Variants in AK8 observed in about 807,000 individuals in gnomAD.
The protein encoded by AK8 is adenylate kinase 8, also known as ATP-AMP transphosphorylase 8.
A neutral mutation model predicts 54.6 loss-of-function variants in AK8; 44 were observed. That is an observed-to-expected ratio of 0.81 (90% CI 0.63 to 1.04). The LOEUF is 1.04. Ranked by LOEUF, AK8 falls within the 50% of genes least tolerant of loss-of-function variation. AK8 has a pLI of 0.00. For synonymous variants in AK8, 239 were observed against 245.6 expected (o/e 0.97, Z 0.25); for missense variants, 555 against 613.6 (o/e 0.90, Z 1.01).
At chr9:132,736,590 G>C (rs1837128233) in intron 11 of AK8, among the ~76,000 whole-genome samples, 1 of 151,102 alleles carries the variant, frequency 6.6e-6, no homozygotes, top group Non-Finnish European at 1.5e-5. Context: ...AAGCTCAGGA[G>C]ATCGAGACCA....
chr9:132,728,872 T>C (rs1303256099), intron 11 of AK8, among the ~76,000 whole-genome samples: 1 of 151,710 alleles, frequency 6.6e-6, no homozygotes, highest in Non-Finnish European at 1.5e-5. Flanking sequence ...CCCCCCTTTT[T>C]AGGGCAATGG....
intron 5 of AK8, among the ~76,000 whole-genome samples, chr9:132,833,659 C>G (rs1027811085): frequency 6.6e-6 from 1 of 152,160 alleles, no homozygotes; most frequent in Admixed American, 6.5e-5. Flanking sequence ...AGCTGGAGGT[C>G]TGCACAGCTG....
chr9:132,853,377 A>G (rs1222737078), intron 5 of AK8, among the ~76,000 whole-genome samples: 3 of 151,746 alleles, frequency 2.0e-5, no homozygotes, highest in Admixed American at 2.0e-4. Context: ...AAAAAAGAAA[A>G]GAAAAGGAAA....
intron 5 of AK8, among the ~76,000 whole-genome samples, chr9:132,848,490 GT>G (rs1194887553): frequency 6.6e-6 from 1 of 152,140 alleles, no homozygotes; most frequent in African/African-American, 2.4e-5. Context: ...GGGTTTTCTG[GT>G]TCCTGCCTCA....
At chr9:132,746,232 A>G (rs1382191351) in intron 11 of AK8, among the ~76,000 whole-genome samples, 1 of 152,188 alleles carries the variant, frequency 6.6e-6, no homozygotes, top group African/African-American at 2.4e-5. Flanking sequence ...ACACACACAC[A>G]TAGACACACA....
At chr9:132,865,559 C>T (rs149458828) in intron 3 of AK8, among the ~76,000 whole-genome samples, 14,746 of 152,142 alleles carry the variant, frequency 0.097, 1,404 homozygotes, top group African/African-American at 0.24. Flanking sequence ...CGGTGGCTCA[C>T]GCCTGTAATC....
In AK8 at chr9:132,835,833, A is replaced by T. The variant is rs534937415; in HGVS notation, c.403-7107T>A. ...CGAGACCCCGCTTCTACAAAAAAAT[A>T]AAAAATTAGGCCAGGCGCAGTGGCT... is the stretch of plus-strand genomic sequence containing the variant. On this transcript the variant is annotated intron_variant, in intron 5 of 12. Coordinates refer to ENST00000298545, the MANE Select transcript of AK8 (RefSeq NM_152572.3). 2.6e-5 allele frequency among the ~76,000 whole-genome samples: 4 copies of T among 152,234 alleles called. No homozygotes were observed. In the South Asian group the frequency reaches 8.3e-4, roughly 32 times the overall value.
chr9:132,855,178 C>T (rs555730129), intron 4 of AK8, among the ~76,000 whole-genome samples: 1 of 152,310 alleles, frequency 6.6e-6, no homozygotes, highest in South Asian at 2.1e-4. Context: ...CCCACCTCCA[C>T]CTGAATAACT....
intron 11 of AK8, among the ~76,000 whole-genome samples, chr9:132,775,805 T>C (rs1287627103): frequency 6.6e-5 from 10 of 152,222 alleles, no homozygotes; most frequent in Admixed American, 3.9e-4. Context: ...CGGCTGCCTC[T>C]TGGGGACAGC....
intron 10 of AK8, among the ~76,000 whole-genome samples, chr9:132,810,020 G>A (rs543200990): frequency 2.4e-4 from 37 of 152,338 alleles, no homozygotes; most frequent in African/African-American, 7.9e-4. Context: ...TGGTTCCAGC[G>A]CTCCTGCTCT....
Position 132,770,832 on chromosome 9 carries a change from C to T in AK8, c.1121+21802G>A, listed in dbSNP as rs1311439532. Among the ~76,000 whole-genome samples the T allele has an allele frequency of 6.6e-6, 1 of 152,166 alleles. No individual in the cohort carries two copies. The highest frequency in any genetic ancestry group is 1.5e-5 in the Non-Finnish European group (1 of 68,024). On this transcript the variant is annotated intron_variant, in intron 11 of 12. Transcript: ENST00000298545. This position sits in a 1 kb window ranked among gnomAD's most constrained non-coding sequence, Gnocchi z 4.3. ...AGCAGCTGCTGAGTGCACGGCAGAC[C>T]CCCTGGCATGGGGTTACACCTTCTC...
chr9:132,788,195 A>G (rs1342236263), intron 11 of AK8, among the ~76,000 whole-genome samples: 2 of 152,226 alleles, frequency 1.3e-5, no homozygotes, highest in African/African-American at 2.4e-5. Context: ...AGGAAAATCA[A>G]AAAGAAAGGA....
At chr9:132,744,318 A>G (rs1837534909) in intron 11 of AK8, among the ~76,000 whole-genome samples, 1 of 152,088 alleles carries the variant, frequency 6.6e-6, no homozygotes, top group Non-Finnish European at 1.5e-5. Context: ...AAATCCTTGC[A>G]TAAATATTGC....
At position 132,878,227 on chromosome 9, in the gene AK8, A is replaced by G; in HGVS notation, c.29T>C (p.Ile10Thr). 6.9e-7 allele frequency: 1 copy of G among 1,452,322 alleles called. No individual in the cohort carries two copies. Among genetic ancestry groups the G allele is most frequent in the Non-Finnish European group, 9.1e-7 (1 of 1,098,744 alleles). The allele number at this position is 1,452,322 out of a possible 1,614,324, so 90.0% of individuals were successfully genotyped here. A position where few individuals can be genotyped will look rare whatever the true frequency, so the allele number is the denominator to read the frequency against. Residue 10 changes from isoleucine (I) to threonine (T), a missense_variant, in exon 1 of 13, where the codon ATC (isoleucine) becomes ACC (threonine). Physicochemically the swap from Ile to Thr is moderately conservative, Grantham distance 89. Transcript: ENST00000298545. The surrounding 1 kb of genome is among the most constrained non-coding windows in gnomAD (Gnocchi z 4.7). MDATIAPHR[I>T]PPEMPQYGEE... Reference sequence around the variant, plus strand: ...CCCGTACTGGGGCATCTCGGGGGGGATACGGTGCGGGGCGATAGTGGCGTC... The same window carrying G: ...CCCGTACTGGGGCATCTCGGGGGGGGTACGGTGCGGGGCGATAGTGGCGTC...
At chr9:132,739,879 C>T (rs888627820) in intron 11 of AK8, among the ~76,000 whole-genome samples, 11 of 152,296 alleles carry the variant, frequency 7.2e-5, no homozygotes, top group Admixed American at 3.9e-4. Context: ...TGATTGGGGG[C>T]GGGGGTGTTA....
chr9:132,794,837 T>G (rs914855854), intron 10 of AK8, among the ~76,000 whole-genome samples: 2 of 152,184 alleles, frequency 1.3e-5, no homozygotes, highest in African/African-American at 4.8e-5. Context: ...CTCCCTTTCT[T>G]GCTGCCTCAT....
rs73660280 is a variant in AK8 at position 132,836,928 on chromosome 9, C to T, written c.403-8202G>A. The stretch of plus-strand genomic sequence containing the variant: ...CGATGTACCTAAAGTGGTGGCACAA[C>T]GTCTGGCAGATAGCAGGTGCTTAAT... On this transcript the variant is annotated intron_variant, in intron 5 of 12. Coordinates refer to ENST00000298545, the MANE Select transcript of AK8 (RefSeq NM_152572.3). Among the ~76,000 whole-genome samples, 574 of 152,320 alleles carry T rather than the reference C, an allele frequency of 3.8e-3. 4 individuals are homozygous for T. Among genetic ancestry groups the T allele is most frequent in the African/African-American group, 0.013 (533 of 41,572 alleles).
intron 11 of AK8, among the ~76,000 whole-genome samples, chr9:132,752,723 C>A (rs1192300195): frequency 6.7e-6 from 1 of 149,978 alleles, no homozygotes; most frequent in Admixed American, 6.7e-5. Context: ...GGCTGCCCCC[C>A]ACCCACCCCA....
At chr9:132,731,983 T>C (rs1836866797) in intron 11 of AK8, among the ~76,000 whole-genome samples, 1 of 152,242 alleles carries the variant, frequency 6.6e-6, no homozygotes, top group Non-Finnish European at 1.5e-5. Context: ...TTTATATATT[T>C]CATTTTTAAC....
Sources: allele counts gnomAD v4.1 joint callset (sites outside exome capture counted in the v4.1 genomes callset), GRCh38; gene constraint gnomAD v4.1.1; non-coding constraint Gnocchi (gnomAD v3.1); transcripts MANE v1.5; gene names NCBI Gene and HGNC (gene_info 2026-07-23, HGNC 2026-07-21).